The following TLX1 variants were observed in gnomAD, a reference collection of about 807,000 sequenced individuals.
The protein encoded by TLX1 is T cell leukemia homeobox 1, also known as T-cell leukemia homeobox protein 1.
TLX1 carries 6 observed loss-of-function variants against 26.5 expected under a neutral mutation model. The observed-to-expected ratio is 0.23, with a 90% CI of 0.12 to 0.45. The LOEUF (loss-of-function observed/expected upper bound fraction) is 0.45, where lower values mean the gene tolerates loss of function less well. Among genes scored for constraint, TLX1 ranks in the 20% least tolerant of loss-of-function variants. The pLI is 0.99. For synonymous variants in TLX1, 217 were observed against 219.7 expected (o/e 0.99, Z 0.11); for missense variants, 418 against 482.6 (o/e 0.87, Z 1.25).
chr10:101,134,499 G>A (rs1474958452), intron 2 of TLX1, 123 bp downstream of exon 2: 4 of 1,128,350 alleles, frequency 3.5e-6, no homozygotes, highest in African/African-American at 3.1e-5. Flanking sequence ...TTTCGGAGGA[G>A]CGAGCTCCCG....
At position 101,132,298 on chromosome 10, in the gene TLX1, C is replaced by T. The variant is rs1940196486; in HGVS notation, c.568+189C>T. Among the ~76,000 whole-genome samples the T allele has an allele frequency of 6.6e-6, 1 of 152,224 alleles. No homozygotes were observed. Among genetic ancestry groups the T allele is most frequent in the African/African-American group, 2.4e-5 (1 of 41,454 alleles). ...CGCCATGCTTGAAGAGTTCTCTCAGCCTGGACCCCTCTCTGTCTCCCGAAG... is the reference window on the plus strand; with the variant it reads ...CGCCATGCTTGAAGAGTTCTCTCAGTCTGGACCCCTCTCTGTCTCCCGAAG... On this transcript the variant is annotated intron_variant, in intron 1 of 2. Coordinates refer to ENST00000370196, the MANE Select transcript of TLX1 (RefSeq NM_005521.4). This position sits in a 1 kb window ranked among gnomAD's most constrained non-coding sequence, Gnocchi z 4.1.
At position 101,131,867 on chromosome 10, in the gene TLX1, G is replaced by A; in HGVS notation, c.326G>A (p.Gly109Asp). 1 of 1,406,856 alleles carries A rather than the reference G, an allele frequency of 7.1e-7. No homozygotes were observed. The highest frequency in any genetic ancestry group is 1.5e-5 in the African/African-American group (1 of 65,996). 87.1% of individuals were successfully genotyped at this position (1,406,856 alleles called of 1,614,324 possible). ...GSYNVNMALAGGPGPGGGGGS... is the reference protein window; with the variant it reads ...GSYNVNMALADGPGPGGGGGS... The stretch of plus-strand genomic sequence containing the variant: ...TACAACGTGAACATGGCCTTGGCAG[G>A]CGGCCCCGGTCCTGGCGGCGGCGGC... The change falls in exon 1 of 3, where the codon GGC becomes GAC. Residue 109 changes from glycine (G) to aspartate (D), a missense_variant. Transcript: ENST00000370196.
intron 2 of TLX1, chr10:101,135,344 CT>C (rs1725176186): frequency 6.5e-6 from 1 of 154,346 alleles, no homozygotes; most frequent in Non-Finnish European, 1.5e-5. Flanking sequence ...TCCTCTTTTT[CT>C]GAACGAAGGC....
At chr10:101,134,504 C>G in intron 2 of TLX1, 128 bp downstream of exon 2, 1 of 1,101,010 alleles carries the variant, frequency 9.1e-7, no homozygotes, top group South Asian at 1.7e-5. Context: ...GAGGAGCGAG[C>G]TCCCGCTAGG....
At position 101,134,054 on chromosome 10, in the gene TLX1, C is replaced by G. The variant is rs1053671187; in HGVS notation, c.569-121C>G. ...TGCTCGTGGGGGTTCAGCTGCTGCG[C>G]TCGCTGACTCGCGGGGTGTTGGGCC... On this transcript the variant is annotated intron_variant, in intron 1 of 2. Coordinates refer to ENST00000370196, the MANE Select transcript of TLX1 (RefSeq NM_005521.4). 4.3e-6 allele frequency: 4 copies of G among 925,768 alleles called. No individual in the cohort carries two copies. In the Admixed American group the frequency reaches 8.3e-5, roughly 19 times the overall value. 57.3% of individuals were successfully genotyped at this position (925,768 alleles called of 1,614,324 possible).
chr10:101,133,578 C>T (rs866619970), intron 1 of TLX1, among the ~76,000 whole-genome samples: 1 of 152,222 alleles, frequency 6.6e-6, no homozygotes, highest in South Asian at 2.1e-4. Context: ...TTAGGGCCTA[C>T]CGCGGGGCCC....
chr10:101,134,633 G>A (rs929785594), intron 2 of TLX1, among the ~76,000 whole-genome samples: 7 of 152,052 alleles, frequency 4.6e-5, no homozygotes, highest in African/African-American at 1.7e-4. Context: ...CGGTGTAGAC[G>A]CGGCAGGTCT....
At position 101,136,832 on chromosome 10, in the gene TLX1, C is replaced by T. The variant is rs769021291; in HGVS notation, c.912C>T (p.Phe304=). 3 of 1,613,750 alleles carry T rather than the reference C, an allele frequency of 1.9e-6. No homozygotes were observed. Among genetic ancestry groups the T allele is most frequent in the Non-Finnish European group, 2.5e-6 (3 of 1,180,046 alleles). Residue 304 remains phenylalanine (F), a synonymous_variant, in exon 3 of 3, where the codon TTC becomes TTT. Coordinates refer to ENST00000370196, the MANE Select transcript of TLX1 (RefSeq NM_005521.4). ...TGTGCGTGCACAACTCGTCGCTCTT[C>T]GCCCTGCAGAATCTGCAGCCGTGGT... ...DPLCVHNSSL[F]ALQNLQPWSD...
chr10:101,136,632 G>T, intron 2 of TLX1, 59 bp from the exon 3 acceptor site: 2 of 1,611,910 alleles, frequency 1.2e-6, no homozygotes, highest in South Asian at 2.2e-5. Flanking sequence ...ACCAGGAGTT[G>T]GGCACACGCG....
chr10:101,133,942 G>A (rs1283366564), intron 1 of TLX1, among the ~76,000 whole-genome samples: 1 of 152,290 alleles, frequency 6.6e-6, no homozygotes, highest in Admixed American at 6.5e-5. Context: ...CGTGGTAGCG[G>A]CGACGGCGGC....
intron 2 of TLX1, 34 bp from the exon 3 acceptor site, chr10:101,136,657 G>T (rs772134625): frequency 3.1e-6 from 5 of 1,612,754 alleles, no homozygotes; most frequent in Non-Finnish European, 4.2e-6. Flanking sequence ...CTGGGTCGGT[G>T]CTCCTGGCAG....
At position 101,131,486 on chromosome 10, in the gene TLX1, C is replaced by CG; in HGVS notation, c.-55dup. The CG allele has an allele frequency of 7.3e-7, 1 of 1,360,898 alleles. No homozygotes were observed. Among genetic ancestry groups the CG allele is most frequent in the Non-Finnish European group, 9.5e-7 (1 of 1,051,470 alleles). 84.3% of individuals were successfully genotyped at this position (1,360,898 alleles called of 1,614,324 possible). On this transcript the variant is annotated 5_prime_UTR_variant, in exon 1 of 3. Coordinates refer to ENST00000370196, the MANE Select transcript of TLX1 (RefSeq NM_005521.4). Reference sequence around the variant, plus strand: ...CTCCCAGCCCCTGCTAGCTGCCCCCCGAGCCGAGCGCAGCGAGCGCCGCCG... The same window carrying CG: ...CTCCCAGCCCCTGCTAGCTGCCCCCCGGAGCCGAGCGCAGCGAGCGCCGCCG...
In TLX1 at chr10:101,131,665, G is replaced by A; in HGVS notation, c.124G>A (p.Asp42Asn). The A allele has an allele frequency of 1.3e-6, 2 of 1,561,172 alleles. No homozygotes were observed. ...GCMGPASRLQ[D>N]GEYGLGCLVG... ...CATGGGACCCGCCTCGCGCCTCCAG[G>A]ACGGAGAATACGGCCTTGGCTGCTT... The change falls in exon 1 of 3, where the codon GAC (aspartate) becomes AAC (asparagine). Residue 42 changes from aspartate to asparagine, a missense_variant. By Grantham distance (23) the Asp-to-Asn change is conservative. Coordinates refer to ENST00000370196, the MANE Select transcript of TLX1 (RefSeq NM_005521.4).
chr10:101,134,814 C>T (rs1940254048), intron 2 of TLX1, among the ~76,000 whole-genome samples: 1 of 152,248 alleles, frequency 6.6e-6, no homozygotes, highest in South Asian at 2.1e-4. Flanking sequence ...GCGCTCCAGC[C>T]GGGCTCCCGG....
intron 2 of TLX1, 147 bp downstream of exon 2, chr10:101,134,523 G>A: frequency 2.1e-6 from 2 of 956,362 alleles, no homozygotes; most frequent in Non-Finnish European, 1.5e-6. Flanking sequence ...GGCTTGCGGG[G>A]AGCTGGAAGC....
In TLX1 at chr10:101,131,702, C is replaced by T. The variant is rs751429042; in HGVS notation, c.161C>T (p.Ala54Val). Residue 54 changes from alanine to valine, a missense_variant, in exon 1 of 3, where the codon GCC becomes GTC. Around this residue, in one of 3 missense-constraint regions of TLX1, gnomAD observed 322 missense variants for 344.6 expected, o/e 0.93. Coordinates refer to ENST00000370196, the MANE Select transcript of TLX1 (RefSeq NM_005521.4). ...EYGLGCLVGGAYTYGGGGSAA... is the reference protein window; with the variant it reads ...EYGLGCLVGGVYTYGGGGSAA... ...GGCCTTGGCTGCTTGGTCGGAGGCG[C>T]CTACACTTACGGCGGCGGGGGCTCC... The T allele has an allele frequency of 7.6e-5, 114 of 1,503,336 alleles. No homozygotes were observed. The South Asian group carries it at 1.5e-3, about 20-fold the overall frequency. The allele number at this position is 1,503,336 out of a possible 1,614,324, so 93.1% of individuals were successfully genotyped here.
Position 101,132,127 on chromosome 10 carries a change from G to C in TLX1, c.568+18G>C. 1 of 1,337,552 alleles carries C rather than the reference G, an allele frequency of 7.5e-7. No homozygotes were observed. The highest frequency in any genetic ancestry group is 9.6e-7 in the Non-Finnish European group (1 of 1,045,624). 82.9% of individuals were successfully genotyped at this position (1,337,552 alleles called of 1,614,324 possible). On this transcript the variant is annotated intron_variant, in intron 1 of 2. Transcript: ENST00000370196. The surrounding 1 kb of genome is among the most constrained non-coding windows in gnomAD (Gnocchi z 4.1). ...GTTCACAGGTGAGTCCGGCCCGCGC[G>C]CTCCCCGCCTGGCCGCGGCCCGGGC...
Position 101,137,243 on chromosome 10 carries a change from G to T in TLX1, c.*330G>T. 2.7e-6 allele frequency: 1 copy of T among 374,054 alleles called. No individual in the cohort carries two copies. Among genetic ancestry groups the T allele is most frequent in the Non-Finnish European group, 4.9e-6 (1 of 204,734 alleles). The allele number at this position is 374,054 out of a possible 1,614,324, so 23.2% of individuals were successfully genotyped here. Reference sequence around the variant, plus strand: ...GGGAGGTAAGGGAGGAGGAGCTTCTGGGGTCCCCAGGGCTGTCATCTGAAT... The same window carrying T: ...GGGAGGTAAGGGAGGAGGAGCTTCTTGGGTCCCCAGGGCTGTCATCTGAAT... On this transcript the variant is annotated 3_prime_UTR_variant, in exon 3 of 3. Transcript: ENST00000370196.
Position 101,131,336 on chromosome 10 carries a change from C to CGGGGAAGCAGAAGCCAGAGA in TLX1, c.-198_-179dup. 2.4e-6 allele frequency: 1 copy of CGGGGAAGCAGAAGCCAGAGA among 423,596 alleles called. No individual in the cohort carries two copies. Among genetic ancestry groups the CGGGGAAGCAGAAGCCAGAGA allele is most frequent in the Non-Finnish European group, 4.1e-6 (1 of 243,918 alleles). 26.2% of individuals were successfully genotyped at this position (423,596 alleles called of 1,614,324 possible). ...GTCAACAGCGAGCGAGCAGCCGGAG[C>CGGGGAAGCAGAAGCCAGAGA]GGGGAAGCAGAAGCCAGAGAGGGGA... is the stretch of plus-strand genomic sequence containing the variant. On this transcript the variant is annotated 5_prime_UTR_variant, in exon 1 of 3. It removes the in-frame stop codon of an upstream open reading frame in the 5' UTR. Coordinates refer to ENST00000370196, the MANE Select transcript of TLX1 (RefSeq NM_005521.4).
Sources: allele counts gnomAD v4.1 joint callset (sites outside exome capture counted in the v4.1 genomes callset), GRCh38; gene constraint gnomAD v4.1.1; regional missense constraint gnomAD v4.1.1; non-coding constraint Gnocchi (gnomAD v3.1); transcripts MANE v1.5; gene names NCBI Gene and HGNC (gene_info 2026-07-23, HGNC 2026-07-21).